RIMS2: variants seen among roughly 807,000 people sequenced by gnomAD.
RIMS2 encodes the protein regulating synaptic membrane exocytosis 2.
A neutral mutation model predicts 174.4 loss-of-function variants in RIMS2; 59 were observed. The observed-to-expected ratio is 0.34, with a 90% CI of 0.27 to 0.42. The LOEUF (loss-of-function observed/expected upper bound fraction) is 0.42, where lower values mean the gene tolerates loss of function less well. Ranked by LOEUF, RIMS2 falls within the 10% of genes least tolerant of loss-of-function variation. The pLI is 1.00. For missense variants in RIMS2, 1,620 were observed against 1,666.3 expected, an observed-to-expected ratio of 0.97 and a Z score of 0.48; for synonymous variants, 606 against 572.5, an observed-to-expected ratio of 1.06 and a Z score of -0.84.
intron 1 of RIMS2, among the ~76,000 whole-genome samples, chr8:103,644,039 A>G (rs961778698): frequency 7.9e-5 from 12 of 152,140 alleles, no homozygotes; most frequent in African/African-American, 2.2e-4. Context: ...TTCTCCCCCT[A>G]TTAGATACAG....
At chr8:103,797,551 A>T (rs976101028) in intron 3 of RIMS2, among the ~76,000 whole-genome samples, 1 of 152,114 alleles carries the variant, frequency 6.6e-6, no homozygotes, top group African/African-American at 2.4e-5. Flanking sequence ...GAATCTGGTA[A>T]TTTTCCCTGC....
At chr8:103,681,334 A>G (rs982026343) in intron 1 of RIMS2, among the ~76,000 whole-genome samples, 7 of 152,068 alleles carry the variant, frequency 4.6e-5, no homozygotes, top group Non-Finnish European at 1.0e-4. Flanking sequence ...AAAAATGTAA[A>G]ATTGAATGAC....
intron 3 of RIMS2, among the ~76,000 whole-genome samples, chr8:103,876,840 G>A (rs1319002773): frequency 9.0e-6 from 1 of 110,950 alleles, no homozygotes; most frequent in Non-Finnish European, 2.0e-5. Context: ...ATATATATGT[G>A]TATATATACA....
chr8:104,040,057 G>T (rs1273015532), intron 19 of RIMS2, among the ~76,000 whole-genome samples: 1 of 151,292 alleles, frequency 6.6e-6, no homozygotes, highest in Non-Finnish European at 1.5e-5. Context: ...AATTGTTTTG[G>T]TCATCTTAGC....
At chr8:104,088,047 C>G (rs1339837506) in intron 19 of RIMS2, among the ~76,000 whole-genome samples, 1 of 151,994 alleles carries the variant, frequency 6.6e-6, no homozygotes, top group Non-Finnish European at 1.5e-5. Flanking sequence ...CACATAATAC[C>G]CTCTTTAGAA....
At chr8:104,079,792 G>A (rs1168497027) in intron 19 of RIMS2, among the ~76,000 whole-genome samples, 1 of 151,260 alleles carries the variant, frequency 6.6e-6, no homozygotes, top group Non-Finnish European at 1.5e-5. Flanking sequence ...CTTGAGAACG[G>A]TGACTATATT....
intron 8 of RIMS2, among the ~76,000 whole-genome samples, chr8:103,917,704 T>C (rs747316505): frequency 2.0e-5 from 3 of 152,136 alleles, no homozygotes; most frequent in Non-Finnish European, 4.4e-5. Flanking sequence ...ATGTTTGCCT[T>C]TTTCTCAATG....
intron 1 of RIMS2, among the ~76,000 whole-genome samples, chr8:103,595,187 AG>A (rs2094437870): frequency 6.6e-6 from 1 of 151,826 alleles, no homozygotes; most frequent in Non-Finnish European, 1.5e-5. Flanking sequence ...AAAGTTTTGC[AG>A]AGTTTCTCTT....
intron 1 of RIMS2, among the ~76,000 whole-genome samples, chr8:103,671,096 C>T (rs572739278): frequency 1.2e-4 from 18 of 152,124 alleles, no homozygotes; most frequent in South Asian, 6.2e-4. Context: ...TACATGGTGG[C>T]AGGCAAAGAG....
At chr8:103,764,193 A>G (rs1056098185) in intron 2 of RIMS2, among the ~76,000 whole-genome samples, 3 of 152,172 alleles carry the variant, frequency 2.0e-5, no homozygotes, top group African/African-American at 4.8e-5. Context: ...CAAAGCAGCA[A>G]ATGCTGTTTC....
At chr8:103,656,422 G>A (rs2096532491) in intron 1 of RIMS2, among the ~76,000 whole-genome samples, 1 of 152,068 alleles carries the variant, frequency 6.6e-6, no homozygotes, top group Non-Finnish European at 1.5e-5. Flanking sequence ...GAGAGAGTGT[G>A]TGATAAAGAG....
intron 1 of RIMS2, among the ~76,000 whole-genome samples, chr8:103,676,119 A>T (rs746050712): frequency 7.2e-5 from 11 of 152,340 alleles, no homozygotes; most frequent in Non-Finnish European, 1.3e-4. Flanking sequence ...AAACAAAGGT[A>T]AGACTTGTTA....
intron 1 of RIMS2, among the ~76,000 whole-genome samples, chr8:103,582,680 C>G (rs1307761735): frequency 6.6e-6 from 1 of 152,076 alleles, no homozygotes; most frequent in East Asian, 1.9e-4. Flanking sequence ...GTAATAATGG[C>G]TACAGAATGA....
chr8:103,692,388 A>G (rs1241051163), intron 1 of RIMS2, among the ~76,000 whole-genome samples: 2 of 152,206 alleles, frequency 1.3e-5, no homozygotes, highest in East Asian at 1.9e-4. Flanking sequence ...CTGGTGTTCT[A>G]TTCTACTGTG....
At chr8:103,726,069 A>G (rs2097524428) in intron 2 of RIMS2, among the ~76,000 whole-genome samples, 2 of 152,198 alleles carry the variant, frequency 1.3e-5, no homozygotes, top group South Asian at 2.1e-4. Context: ...CAAATATCAT[A>G]TATAGATGGT....
At chr8:103,921,544 A>G (rs1595184564) in intron 9 of RIMS2, 128 bp from the exon 13 acceptor site, 1 of 574,982 alleles carries the variant, frequency 1.7e-6, no homozygotes, top group East Asian at 3.0e-5. Context: ...TTTGTCTAAG[A>G]AATGGTCTAT....
intron 19 of RIMS2, among the ~76,000 whole-genome samples, chr8:104,016,996 CCAAAA>C (rs1327339465): frequency 1.3e-5 from 2 of 151,766 alleles, no homozygotes; most frequent in Non-Finnish European, 2.9e-5. Context: ...CAAAGAGGAG[CCAAAA>C]CCTCCCTTAT....
intron 17 of RIMS2, among the ~76,000 whole-genome samples, chr8:104,010,497 C>T (rs1270619530): frequency 2.6e-5 from 4 of 151,990 alleles, no homozygotes; most frequent in African/African-American, 9.7e-5. Flanking sequence ...GGGTTGTTAA[C>T]AATAGTATGT....
chr8:103,698,764 CCTGT>C (rs1225410849), intron 2 of RIMS2, among the ~76,000 whole-genome samples: 5 of 152,072 alleles, frequency 3.3e-5, no homozygotes, highest in African/African-American at 7.2e-5. Context: ...TGCCATGGTG[CCTGT>C]CTGATTTAAT....
Sources: gnomAD v4.1 joint callset for allele counts (sites outside exome capture counted in the v4.1 genomes callset) on GRCh38, gnomAD v4.1.1 for gene constraint, MANE v1.5 for transcripts, NCBI Gene and HGNC (gene_info 2026-07-23, HGNC 2026-07-21) for gene names.